The following CNTN4 variants were observed in gnomAD, a reference collection of about 807,000 sequenced individuals.
The protein encoded by CNTN4 is contactin-4.
Under a neutral mutation model 122.5 loss-of-function variants are expected in CNTN4, and 77 were observed. That is an observed-to-expected ratio of 0.63 (90% CI 0.52 to 0.76). The LOEUF (loss-of-function observed/expected upper bound fraction) is 0.76. Among genes scored for constraint, CNTN4 ranks in the 30% least tolerant of loss-of-function variants. The pLI, the probability that CNTN4 is intolerant of heterozygous loss-of-function variation, is 0.00. For missense variants in CNTN4, 1,256 were observed against 1,259.1 expected (o/e 1.00, Z 0.04); for synonymous variants, 512 against 447.0 (o/e 1.15, Z -1.83).
intron 3 of CNTN4, among the ~76,000 whole-genome samples, chr3:2,368,518 C>T (rs942597440): frequency 2.0e-5 from 3 of 151,994 alleles, no homozygotes; most frequent in African/African-American, 7.3e-5. Flanking sequence ...ATTTTGACAC[C>T]CCACAAATTT....
intron 4 of CNTN4, among the ~76,000 whole-genome samples, chr3:2,651,996 C>A (rs193161429): frequency 6.6e-6 from 1 of 151,010 alleles, no homozygotes; most frequent in Non-Finnish European, 1.5e-5. Flanking sequence ...TGTGACCCAC[C>A]GCACCTGGCC....
At chr3:2,521,343 T>TCGCCCCCCCCCC (rs781282977) in intron 3 of CNTN4, among the ~76,000 whole-genome samples, 112 of 128,160 alleles carry the variant, frequency 8.7e-4, no homozygotes, top group African/African-American at 1.4e-3. Context: ...CCTCTACCCA[T>TCGCCCCCCCCCC]CCCCCCCACC....
chr3:2,231,105 T>G (rs1056576631), intron 2 of CNTN4, among the ~76,000 whole-genome samples: 3 of 152,218 alleles, frequency 2.0e-5, no homozygotes, highest in African/African-American at 7.2e-5. Flanking sequence ...AATAAATCAT[T>G]TTAGTTAACA....
chr3:2,819,091 A>G (rs527963739), intron 6 of CNTN4, among the ~76,000 whole-genome samples: 93 of 152,250 alleles, frequency 6.1e-4, no homozygotes, highest in Non-Finnish European at 1.0e-3. Context: ...CAGTTTCTTC[A>G]CCTAGACCTG....
At chr3:2,343,975 G>A (rs1428671475) in intron 3 of CNTN4, among the ~76,000 whole-genome samples, 2 of 152,124 alleles carry the variant, frequency 1.3e-5, no homozygotes, top group East Asian at 1.9e-4. Flanking sequence ...GGGAGCAAGA[G>A]AGAGGCGAAT....
chr3:2,773,998 G>A (rs545199824), intron 6 of CNTN4, among the ~76,000 whole-genome samples: 1 of 152,184 alleles, frequency 6.6e-6, no homozygotes, highest in African/African-American at 2.4e-5. Flanking sequence ...GACCTCAAGT[G>A]ATCCACTTGC....
At chr3:2,175,018 T>G (rs975777767) in intron 2 of CNTN4, among the ~76,000 whole-genome samples, 1 of 152,150 alleles carries the variant, frequency 6.6e-6, no homozygotes, top group African/African-American at 2.4e-5. Flanking sequence ...GAGATTTGGG[T>G]GGGGTCAAAT....
intron 4 of CNTN4, among the ~76,000 whole-genome samples, chr3:2,673,839 G>A (rs1428648835): frequency 6.6e-6 from 1 of 152,160 alleles, no homozygotes; most frequent in Non-Finnish European, 1.5e-5. Context: ...GCTGCGCCCG[G>A]CCGGAGGGTC....
intron 13 of CNTN4, among the ~76,000 whole-genome samples, chr3:2,952,424 G>T (rs1417086543): frequency 1.3e-5 from 2 of 152,180 alleles, no homozygotes; most frequent in Non-Finnish European, 2.9e-5. Flanking sequence ...AGAAACACCT[G>T]CAATGTTCTG....
At position 2,704,296 on chromosome 3, in the gene CNTN4, CAAAAAAAAAAA is replaced by C. The variant is rs151155380; in HGVS notation, c.56-31904_56-31894del. On this transcript the variant is annotated intron_variant, in intron 4 of 24. Transcript: ENST00000418658. ...TGGGTGACAGAGCGAGACTTCATTTCAAAAAAAAAAAAAAAAAAAAAAAAAGTTGATCTGGA... is the reference window on the plus strand; with the variant it reads ...TGGGTGACAGAGCGAGACTTCATTTCAAAAAAAAAAAAAAGTTGATCTGGA... Among the ~76,000 whole-genome samples, 20 of 69,496 alleles carry C rather than the reference CAAAAAAAAAAA, an allele frequency of 2.9e-4. 1 individual carries two copies. The highest frequency in any genetic ancestry group is 1.0e-3 in the African/African-American group (18 of 17,414). 45.6% of individuals were successfully genotyped at this position (69,496 alleles called of 152,430 possible).
intron 3 of CNTN4, among the ~76,000 whole-genome samples, chr3:2,410,423 G>A (rs768820199): frequency 3.9e-5 from 6 of 151,982 alleles, no homozygotes; most frequent in South Asian, 2.1e-4. Flanking sequence ...CTTTCTATTC[G>A]TCCACTTTAC....
intron 3 of CNTN4, among the ~76,000 whole-genome samples, chr3:2,474,807 G>T (rs2075792008): frequency 6.6e-6 from 1 of 152,058 alleles, no homozygotes; most frequent in South Asian, 2.1e-4. Flanking sequence ...CATATCTCAG[G>T]TAGTTTATAT....
At chr3:2,181,183 T>C (rs931243449) in intron 2 of CNTN4, among the ~76,000 whole-genome samples, 7 of 151,942 alleles carry the variant, frequency 4.6e-5, no homozygotes, top group African/African-American at 1.7e-4. Flanking sequence ...TTGAAAAAAA[T>C]ATATTAGGTG....
chr3:2,607,680 G>T (rs1428274438), intron 4 of CNTN4, among the ~76,000 whole-genome samples: 3 of 138,262 alleles, frequency 2.2e-5, no homozygotes, highest in Non-Finnish European at 4.9e-5. Flanking sequence ...AAACCTTTCA[G>T]AAAACTTCAG....
At chr3:2,435,432 G>A (rs1024458330) in intron 3 of CNTN4, among the ~76,000 whole-genome samples, 22 of 152,038 alleles carry the variant, frequency 1.4e-4, no homozygotes, top group Non-Finnish European at 2.5e-4. Flanking sequence ...ATGATGAGGG[G>A]GAAATGTCTG....
At chr3:2,325,222 C>G (rs1472146019) in intron 2 of CNTN4, among the ~76,000 whole-genome samples, 1 of 152,140 alleles carries the variant, frequency 6.6e-6, no homozygotes, top group Non-Finnish European at 1.5e-5. Flanking sequence ...ATCCATTTGT[C>G]TATGATTAAG....
At chr3:3,053,129 G>T (rs1234668170) in intron 23 of CNTN4, among the ~76,000 whole-genome samples, 1 of 152,154 alleles carries the variant, frequency 6.6e-6, no homozygotes, top group Non-Finnish European at 1.5e-5. Flanking sequence ...CTGCCTCCCG[G>T]GTGCAAGCAA....
At chr3:2,707,761 A>C (rs116742512) in intron 4 of CNTN4, among the ~76,000 whole-genome samples, 10,824 of 151,990 alleles carry the variant, frequency 0.071, 642 homozygotes, top group African/African-American at 0.15. Context: ...CTCCCCCTTT[A>C]GCCTCCCTAA....
intron 22 of CNTN4, 47 bp from the exon 23 acceptor site, chr3:3,043,545 T>A (rs1257236372): frequency 7.2e-7 from 1 of 1,394,848 alleles, no homozygotes; most frequent in South Asian, 1.2e-5. Context: ...TCAGAATCCA[T>A]TGAGACTTAA....
Sources: allele counts gnomAD v4.1 joint callset (sites outside exome capture counted in the v4.1 genomes callset), GRCh38; gene constraint gnomAD v4.1.1; transcripts MANE v1.5; gene names NCBI Gene and HGNC (gene_info 2026-07-23, HGNC 2026-07-21).